Variants in DENND2B observed in about 807,000 individuals in gnomAD.
DENND2B encodes the protein DENN domain containing 2B, also known as DENN domain-containing protein 2B.
A neutral mutation model predicts 116.0 loss-of-function variants in DENND2B; 32 were observed. The ratio of observed to expected loss-of-function variants is 0.28; its 90% CI spans 0.21 to 0.37. The LOEUF (loss-of-function observed/expected upper bound fraction) is 0.37, where lower values mean the gene tolerates loss of function less well. DENND2B is among the 10% of genes least tolerant of loss of function. The pLI, the probability that DENND2B is intolerant of heterozygous loss-of-function variation, is 1.00. For missense variants in DENND2B, 1,276 were observed against 1,477.7 expected (o/e 0.86, Z 2.24); for synonymous variants, 588 against 583.9 (o/e 1.01, Z -0.10).
chr11:8,841,256 TTTTTG>T (rs2062613593), intron 3 of DENND2B, among the ~76,000 whole-genome samples: 1 of 152,138 alleles, frequency 6.6e-6, no homozygotes, highest in Non-Finnish European at 1.5e-5. Context: ...AGATTTGAGG[TTTTTG>T]TTTTTAGTCC....
chr11:8,759,976 C>A (rs1341739641), intron 1 of DENND2B, among the ~76,000 whole-genome samples: 2 of 152,218 alleles, frequency 1.3e-5, no homozygotes, highest in African/African-American at 2.4e-5. Context: ...GCACTTGTGT[C>A]TTCTGGATCC....
intron 3 of DENND2B, among the ~76,000 whole-genome samples, chr11:8,840,756 CAG>C (rs1212185447): frequency 6.6e-6 from 1 of 152,164 alleles, no homozygotes; most frequent in Non-Finnish European, 1.5e-5. Flanking sequence ...CACTGGCAGA[CAG>C]GTCCTTGCAG....
chr11:8,902,676 A>G (rs1003957220), intron 1 of DENND2B, among the ~76,000 whole-genome samples: 1 of 152,236 alleles, frequency 6.6e-6, no homozygotes, highest in Non-Finnish European at 1.5e-5. Context: ...TCACTGGACT[A>G]CAATCAAGGT....
chr11:8,726,240 G>A (rs1174466012), intron 3 of DENND2B, 31 bp from the exon 4 acceptor site: 2 of 1,583,766 alleles, frequency 1.3e-6, no homozygotes, highest in Non-Finnish European at 1.7e-6. Context: ...AGTCATTCCT[G>A]CTGAATCAGA....
Position 8,711,361 on chromosome 11 carries a change from C to T in DENND2B, c.2173-130G>A, listed in dbSNP as rs558677435. On this transcript the variant is annotated intron_variant, in intron 9 of 19. Transcript: ENST00000313726. The stretch of plus-strand genomic sequence containing the variant: ...GGCATGATCTCAGCAACCCTTGTCC[C>T]ACTCCGAATTCTTACAGAGCCCAGA... 1.2e-4 allele frequency: 87 copies of T among 710,742 alleles called. No homozygotes were observed. In the East Asian group the frequency reaches 2.2e-3, roughly 18 times the overall value. The allele number at this position is 710,742 out of a possible 1,614,324, so 44.0% of individuals were successfully genotyped here. A position where few individuals can be genotyped will look rare whatever the true frequency, so the allele number is the denominator to read the frequency against.
chr11:8,906,143 C>A (rs2064233145), intron 1 of DENND2B, among the ~76,000 whole-genome samples: 1 of 151,164 alleles, frequency 6.6e-6, no homozygotes, highest in East Asian at 2.0e-4. Context: ...CTGAAATATA[C>A]ACTTAAGACA....
chr11:8,715,863 C>T, intron 5 of DENND2B, 45 bp from the exon 6 acceptor site: 2 of 1,535,930 alleles, frequency 1.3e-6, no homozygotes, highest in Non-Finnish European at 1.8e-6. Context: ...GCCACAGAGG[C>T]CTTGGCCAGT....
intron 2 of DENND2B, among the ~76,000 whole-genome samples, chr11:8,747,331 T>A (rs546391368): frequency 6.6e-6 from 1 of 152,142 alleles, no homozygotes; most frequent in African/African-American, 2.4e-5. Context: ...GGTGCTGGAG[T>A]TTCATAGTGA....
At chr11:8,910,321 C>T (rs2064301402) in intron 1 of DENND2B, among the ~76,000 whole-genome samples, 2 of 151,574 alleles carry the variant, frequency 1.3e-5, no homozygotes, top group East Asian at 2.0e-4. Context: ...TAATCACCTC[C>T]TCAAACAAGA....
intron 2 of DENND2B, among the ~76,000 whole-genome samples, chr11:8,862,297 G>A (rs1055445589): frequency 1.3e-5 from 2 of 150,300 alleles, no homozygotes; most frequent in African/African-American, 2.4e-5. Flanking sequence ...AAGTCAGTGA[G>A]GGGAAAAAGA....
At chr11:8,837,217 TG>T (rs1057303480) in intron 4 of DENND2B, among the ~76,000 whole-genome samples, 35 of 147,766 alleles carry the variant, frequency 2.4e-4, no homozygotes, top group Admixed American at 1.9e-3. Context: ...AAGGAAGAAA[TG>T]TAGCTCTGTC....
At chr11:8,823,689 T>C (rs2061853057) in intron 4 of DENND2B, among the ~76,000 whole-genome samples, 1 of 152,166 alleles carries the variant, frequency 6.6e-6, no homozygotes. Context: ...TGATTCTAAG[T>C]TTCCTGAGGC....
intron 11 of DENND2B, among the ~76,000 whole-genome samples, chr11:8,709,509 G>T (rs2043218609): frequency 6.6e-6 from 1 of 152,170 alleles, no homozygotes; most frequent in South Asian, 2.1e-4. Context: ...CCAAGCCTGG[G>T]AGGCCCAGGC....
At chr11:8,863,282 A>C (rs2063464788) in intron 2 of DENND2B, among the ~76,000 whole-genome samples, 3 of 123,116 alleles carry the variant, frequency 2.4e-5, no homozygotes. Flanking sequence ...TTTGAGACCG[A>C]GTCTTGCTCT....
intron 4 of DENND2B, among the ~76,000 whole-genome samples, chr11:8,829,707 G>A (rs900160197): frequency 2.0e-5 from 3 of 152,078 alleles, no homozygotes; most frequent in Admixed American, 6.5e-5. Context: ...TCTTAAAATT[G>A]TCTTAGGAGG....
intron 3 of DENND2B, among the ~76,000 whole-genome samples, chr11:8,727,294 G>A (rs143593838): frequency 2.6e-5 from 4 of 152,262 alleles, no homozygotes; most frequent in African/African-American, 7.2e-5. Context: ...GAGTCCTAGG[G>A]TGTAGGTAAA....
chr11:8,754,004 T>A (rs2053075781), intron 1 of DENND2B, among the ~76,000 whole-genome samples: 1 of 143,194 alleles, frequency 7.0e-6, no homozygotes, highest in African/African-American at 2.7e-5. Flanking sequence ...AGGCAATGGT[T>A]TCTTAGATAT....
At chr11:8,866,387 C>G (rs1347011172) in intron 2 of DENND2B, among the ~76,000 whole-genome samples, 1 of 152,116 alleles carries the variant, frequency 6.6e-6, no homozygotes, top group African/African-American at 2.4e-5. Context: ...AAAATGCAAC[C>G]AAACATTTCT....
chr11:8,868,034 G>A (rs1038672667), intron 2 of DENND2B, among the ~76,000 whole-genome samples: 3 of 152,234 alleles, frequency 2.0e-5, no homozygotes, highest in South Asian at 2.1e-4. Context: ...AAAGCATTGC[G>A]AAACATGGGG....
Sources: allele counts gnomAD v4.1 joint callset (sites outside exome capture counted in the v4.1 genomes callset), GRCh38; gene constraint gnomAD v4.1.1; transcripts MANE v1.5; gene names NCBI Gene and HGNC (gene_info 2026-07-23, HGNC 2026-07-21).